Variants in AUTS2 observed in about 807,000 individuals in gnomAD.
AUTS2 encodes the protein autism susceptibility gene 2 protein.
A neutral mutation model predicts 112.4 loss-of-function variants in AUTS2; 17 were observed. That is an observed-to-expected ratio of 0.15 (90% confidence interval 0.10 to 0.23). AUTS2 has a LOEUF of 0.23. Ranked by LOEUF, AUTS2 falls within the 10% of genes least tolerant of loss-of-function variation. The pLI is 1.00. For synonymous variants in AUTS2, 751 were observed against 702.7 expected (o/e 1.07, Z -1.09); for missense variants, 1,510 against 1,701.6 (o/e 0.89, Z 1.98).
intron 1 of AUTS2, among the ~76,000 whole-genome samples, chr7:69,844,904 T>G (rs759772698): frequency 5.5e-4 from 84 of 152,294 alleles, no homozygotes; most frequent in Admixed American, 1.8e-3. Context: ...ATTATTTAAA[T>G]TTCTAAAAAT....
chr7:70,173,130 G>C (rs1808791934), intron 4 of AUTS2, among the ~76,000 whole-genome samples: 1 of 152,094 alleles, frequency 6.6e-6, no homozygotes, highest in African/African-American at 2.4e-5. Flanking sequence ...TGTAATCCCA[G>C]TACTTTGGGA....
In AUTS2 at chr7:69,829,612, C is replaced by T. The variant is rs529040771; in HGVS notation, c.310-69674C>T. Among the ~76,000 whole-genome samples the T allele has an allele frequency of 1.5e-4, 23 of 152,114 alleles. No homozygotes were observed. In the East Asian group the frequency reaches 2.9e-3, roughly 19 times the overall value. On this transcript the variant is annotated intron_variant, in intron 1 of 18. Coordinates refer to ENST00000342771, the MANE Select transcript of AUTS2 (RefSeq NM_015570.4). ...CACTTCTCAAAAGAAGACATTTATG[C>T]GGCCAAAAAACATATGAAAAAAAGC...
chr7:70,586,251 CA>C (rs1802684328), intron 5 of AUTS2, among the ~76,000 whole-genome samples: 1 of 152,146 alleles, frequency 6.6e-6, no homozygotes, highest in African/African-American at 2.4e-5. Flanking sequence ...CCATACCGTG[CA>C]TGATAAATAT....
At chr7:70,266,546 T>C (rs1397931880) in intron 4 of AUTS2, among the ~76,000 whole-genome samples, 2 of 152,152 alleles carry the variant, frequency 1.3e-5, no homozygotes, top group African/African-American at 2.4e-5. Flanking sequence ...TTTAAAAAAA[T>C]TAATCCAGTG....
intron 4 of AUTS2, among the ~76,000 whole-genome samples, chr7:70,325,030 G>A (rs890823557): frequency 6.6e-6 from 1 of 152,312 alleles, no homozygotes; most frequent in Middle Eastern, 3.4e-3. Context: ...ATGAGCCAGG[G>A]TCCAATTGTC....
intron 3 of AUTS2, chr7:70,118,641 G>C (rs928441839): frequency 1.3e-5 from 2 of 153,320 alleles, no homozygotes; most frequent in African/African-American, 4.8e-5. Flanking sequence ...AGCTGGGCGT[G>C]GCAGTGCATG....
chr7:70,730,180 C>A (rs1482572490), intron 6 of AUTS2, among the ~76,000 whole-genome samples: 3 of 151,870 alleles, frequency 2.0e-5, no homozygotes, highest in Non-Finnish European at 4.4e-5. Flanking sequence ...CTGCACCCAG[C>A]CTGTTTGCCC....
chr7:69,788,896 C>T (rs77052601), intron 1 of AUTS2, among the ~76,000 whole-genome samples: 3,256 of 152,150 alleles, frequency 0.021, 110 homozygotes, highest in African/African-American at 0.071. Context: ...AGCTCTGACG[C>T]GTCTAGCACT....
intron 2 of AUTS2, among the ~76,000 whole-genome samples, chr7:70,000,992 A>G (rs967693626): frequency 1.2e-4 from 18 of 152,200 alleles, no homozygotes; most frequent in African/African-American, 3.9e-4. Context: ...CCTGGCAGCA[A>G]AAAGCCTGGT....
At chr7:70,162,829 A>ATT (rs1808163442) in intron 4 of AUTS2, among the ~76,000 whole-genome samples, 2 of 152,322 alleles carry the variant, frequency 1.3e-5, no homozygotes. Flanking sequence ...ACATTTGGTA[A>ATT]ACCTCTTTGA....
chr7:70,512,008 A>C (rs972529562), intron 5 of AUTS2, among the ~76,000 whole-genome samples: 1 of 152,194 alleles, frequency 6.6e-6, no homozygotes, highest in African/African-American at 2.4e-5. Flanking sequence ...GTAAATACAA[A>C]ATTTCTATAG....
At chr7:70,375,158 A>G (rs1263407706) in intron 4 of AUTS2, among the ~76,000 whole-genome samples, 1 of 152,216 alleles carries the variant, frequency 6.6e-6, no homozygotes, top group Non-Finnish European at 1.5e-5. Flanking sequence ...AAAAGACACC[A>G]TACTGATTCA....
At chr7:70,396,670 C>T (rs1165545830) in intron 4 of AUTS2, among the ~76,000 whole-genome samples, 1 of 152,192 alleles carries the variant, frequency 6.6e-6, no homozygotes, top group Non-Finnish European at 1.5e-5. Flanking sequence ...AGCCACTGCA[C>T]CTGGCCTATT....
At chr7:70,016,975 C>T (rs997345958) in intron 2 of AUTS2, among the ~76,000 whole-genome samples, 1 of 152,162 alleles carries the variant, frequency 6.6e-6, no homozygotes, top group Admixed American at 6.5e-5. Context: ...GCCTCCTTGA[C>T]AGACTTTTTA....
chr7:70,098,148 C>T (rs181495301), intron 2 of AUTS2, among the ~76,000 whole-genome samples: 29 of 152,238 alleles, frequency 1.9e-4, no homozygotes, highest in African/African-American at 6.3e-4. Context: ...AATATGGCCT[C>T]ATAAAAAGCC....
chr7:70,729,891 TATG>T (rs1787270289), intron 6 of AUTS2, among the ~76,000 whole-genome samples: 2 of 149,170 alleles, frequency 1.3e-5, no homozygotes, highest in Admixed American at 6.7e-5. Context: ...TGTATGTATG[TATG>T]TATTTAGAGA....
intron 1 of AUTS2, among the ~76,000 whole-genome samples, chr7:69,794,372 C>CT (rs891406487): frequency 4.6e-5 from 7 of 152,142 alleles, no homozygotes; most frequent in Non-Finnish European, 8.8e-5. Flanking sequence ...GATTTCTTAT[C>CT]TTTTTGCTGG....
chr7:70,788,076 A>G (rs1791631400), intron 18 of AUTS2, among the ~76,000 whole-genome samples: 1 of 151,910 alleles, frequency 6.6e-6, no homozygotes, highest in African/African-American at 2.4e-5. Context: ...TTAAACAGGG[A>G]ATGTCTTGGA....
Position 70,764,813 on chromosome 7 carries a change from C to G in AUTS2, c.1276C>G (p.Pro426Ala), listed in dbSNP as rs1200180254. The stretch of plus-strand genomic sequence containing the variant: ...CGCCCCACCTCACATCTCCCACCAC[C>G]CCTCTGCCTCCCCGTTCCCCCTCTC... ...QPAPPHISHHPSASPFPLSLP... is the reference protein window; with the variant it reads ...QPAPPHISHHASASPFPLSLP... The change falls in exon 8 of 19, where the codon CCC becomes GCC. Residue 426 changes from proline (P) to alanine (A), a missense_variant. Pro to Ala is a conservative substitution (Grantham distance 27). Transcript: ENST00000342771. 2.9e-6 allele frequency: 3 copies of G among 1,031,720 alleles called. No homozygotes were observed. Among genetic ancestry groups the G allele is most frequent in the East Asian group, 5.2e-5 (2 of 38,492 alleles). The allele number at this position is 1,031,720 out of a possible 1,614,324, so 63.9% of individuals were successfully genotyped here.
Sources: gnomAD v4.1 joint callset for allele counts (sites outside exome capture counted in the v4.1 genomes callset) on GRCh38, gnomAD v4.1.1 for gene constraint, MANE v1.5 for transcripts, NCBI Gene and HGNC (gene_info 2026-07-23, HGNC 2026-07-21) for gene names.